The following NDRG4 variants were observed in gnomAD, a reference collection of about 807,000 sequenced individuals.
NDRG4 encodes the protein NDRG family member 4, also known as protein NDRG4.
Under a neutral mutation model 55.8 loss-of-function variants are expected in NDRG4, and 38 were observed. That is an observed-to-expected ratio of 0.68 (90% CI 0.53 to 0.89). The LOEUF (loss-of-function observed/expected upper bound fraction) is 0.89. Among genes scored for constraint, NDRG4 ranks in the 40% least tolerant of loss-of-function variants. NDRG4 has a pLI of 0.00. For missense variants in NDRG4, 455 were observed against 468.6 expected (o/e 0.97, Z 0.27); for synonymous variants, 190 against 182.7 (o/e 1.04, Z -0.32).
At chr16:58,504,483 C>T (rs983417111) in intron 4 of NDRG4, 62 bp downstream of exon 4, 1 of 1,611,602 alleles carries the variant, frequency 6.2e-7, no homozygotes, top group Non-Finnish European at 8.5e-7. Flanking sequence ...TGCAGAGCCA[C>T]CTGGCTCCAG....
upstream of NDRG4, among the ~76,000 whole-genome samples, chr16:58,495,881 C>G (rs1352966030): frequency 1.3e-5 from 2 of 152,134 alleles, no homozygotes; most frequent in Non-Finnish European, 2.9e-5. Context: ...GGCTAGGGTT[C>G]CGGCAGTGGG....
chr16:58,474,806 G>A (rs961384096), intron 1 of NDRG4, among the ~76,000 whole-genome samples: 5 of 152,228 alleles, frequency 3.3e-5, no homozygotes, highest in Non-Finnish European at 5.9e-5. Flanking sequence ...CATGTACTGA[G>A]AATGGGGAAG....
At chr16:58,481,395 C>T (rs992861159) in intron 1 of NDRG4, among the ~76,000 whole-genome samples, 4 of 152,110 alleles carry the variant, frequency 2.6e-5, no homozygotes, top group Non-Finnish European at 5.9e-5. Context: ...GGGTCTTTAG[C>T]CAGGAGTGCC....
In NDRG4 at chr16:58,464,674, C is replaced by A; in HGVS notation, c.-24+877C>A. On this transcript the variant is annotated intron_variant, in intron 1 of 15. Coordinates refer to the NDRG4 transcript ENST00000258187. The surrounding 1 kb of genome is among the most constrained non-coding windows in gnomAD (Gnocchi z 4.8). ...GTGGCGAGTCCCTGGCGCTGGCGTC[C>A]GGGCTGCGGGAGCACCGGTCAGGGG... 9.2e-7 allele frequency: 1 copy of A among 1,081,284 alleles called. No homozygotes were observed. The highest frequency in any genetic ancestry group is 1.2e-6 in the Non-Finnish European group (1 of 838,144). The allele number at this position is 1,081,284 out of a possible 1,614,324, so 67.0% of individuals were successfully genotyped here.
At chr16:58,493,462 T>C (rs1485659088) in intron 2 of NDRG4, among the ~76,000 whole-genome samples, 1 of 152,116 alleles carries the variant, frequency 6.6e-6, no homozygotes, top group Non-Finnish European at 1.5e-5. Flanking sequence ...AGAGACACGG[T>C]TTTGACACGT....
At chr16:58,498,904 A>G (rs1042857524), upstream of NDRG4, among the ~76,000 whole-genome samples, 5 of 151,962 alleles carry the variant, frequency 3.3e-5, no homozygotes, top group Non-Finnish European at 7.4e-5. Context: ...AAGTCAGTCA[A>G]CCTCTCTGAG....
chr16:58,464,174 T>C lies in NDRG4; in HGVS notation c.-24+377T>C, dbSNP rs555788512. On this transcript the variant is annotated intron_variant, in intron 1 of 15. Coordinates refer to the NDRG4 transcript ENST00000258187. This position sits in a 1 kb window ranked among gnomAD's most constrained non-coding sequence, Gnocchi z 4.8. ...CGCGCCCTTCCTCCGCCTCCTGGAG[T>C]TCACCGGGACCAGGTGGCGGCGGGT... The C allele has an allele frequency of 2.7e-6, 1 of 373,326 alleles. No individual in the cohort carries two copies. The highest frequency in any genetic ancestry group is 1.4e-4 in the South Asian group (1 of 7,202). The allele number at this position is 373,326 out of a possible 1,614,324, so 23.1% of individuals were successfully genotyped here.
chr16:58,501,294 C>A, intron 1 of NDRG4: 1 of 390,180 alleles, frequency 2.6e-6, no homozygotes, highest in African/African-American at 2.1e-5. Flanking sequence ...GCACCAACTC[C>A]CACACCGGCG....
intron 1 of NDRG4, chr16:58,465,111 G>A: frequency 7.8e-7 from 1 of 1,286,608 alleles, no homozygotes; most frequent in Non-Finnish European, 1.0e-6. Context: ...GATTCGAGGA[G>A]TGACTTCTGT....
chr16:58,507,896 G>A (rs745476182), intron 9 of NDRG4, 32 bp downstream of exon 9: 1 of 1,613,996 alleles, frequency 6.2e-7, no homozygotes, highest in Non-Finnish European at 8.5e-7. Context: ...GGCCTGCCCT[G>A]GCCTTTGCCC....
Position 58,506,434 on chromosome 16 carries a change from C to A in NDRG4, c.420C>A (p.Asp140Glu), listed in dbSNP as rs2038024218. Reference protein sequence around the residue: ...LVEGLVLVNIDPNGKGWIDWA... With the variant: ...LVEGLVLVNIEPNGKGWIDWA... ...AGGGGCTGGTGCTGGTGAACATCGA[C>A]CCCAATGGCAAAGGCTGGATAGACT... The change falls in exon 6 of 15, where the codon GAC (aspartate) becomes GAA (glutamate). Residue 140 changes from aspartate to glutamate, a missense_variant. By Grantham distance (45) the Asp-to-Glu change is conservative. Transcript: ENST00000570248. 16 of 1,613,628 alleles carry A rather than the reference C, an allele frequency of 9.9e-6. No individual in the cohort carries two copies. Among genetic ancestry groups the A allele is most frequent in the Non-Finnish European group, 1.4e-5 (16 of 1,179,898 alleles).
chr16:58,512,439 A>G lies in NDRG4; in HGVS notation c.*863A>G. ...CCCGCAGGTGGCCAGAGGCAGGGGT[A>G]GCTGAGTTCCTGGAGACCCCTTTTT... On this transcript the variant is annotated 3_prime_UTR_variant, in exon 15 of 15. Transcript: ENST00000570248. 3.9e-6 allele frequency: 1 copy of G among 255,126 alleles called. No individual in the cohort carries two copies. The highest frequency in any genetic ancestry group is 7.8e-6 in the Non-Finnish European group (1 of 128,828). 15.8% of individuals were successfully genotyped at this position (255,126 alleles called of 1,614,324 possible).
chr16:58,478,824 G>A (rs1312256732), intron 1 of NDRG4, among the ~76,000 whole-genome samples: 1 of 148,264 alleles, frequency 6.7e-6, no homozygotes, highest in Non-Finnish European at 1.5e-5. Flanking sequence ...AAAAATTAGT[G>A]TCACTTGTAA....
chr16:58,480,718 GAACAAGATCAGGTCGCTGTCCTC>G, intron 1 of NDRG4, among the ~76,000 whole-genome samples: 1 of 152,318 alleles, frequency 6.6e-6, no homozygotes, highest in Non-Finnish European at 1.5e-5. Flanking sequence ...TTGGACAAAT[GAACAAGATCAGGTCGCTGTCCTC>G]TGGGAGATGA....
At chr16:58,487,595 CGG>C (rs2035247978) in intron 1 of NDRG4, among the ~76,000 whole-genome samples, 1 of 152,196 alleles carries the variant, frequency 6.6e-6, no homozygotes, top group South Asian at 2.1e-4. Flanking sequence ...GTCTTGCAGA[CGG>C]AGGCCTGGGG....
At chr16:58,502,682 A>T (rs1720316221) in intron 1 of NDRG4, among the ~76,000 whole-genome samples, 1 of 152,224 alleles carries the variant, frequency 6.6e-6, no homozygotes, top group South Asian at 2.1e-4. Flanking sequence ...TCTCTTGGGT[A>T]ACATGCAGGA....
downstream of NDRG4, among the ~76,000 whole-genome samples, chr16:58,515,054 C>A (rs1463368324): frequency 1.2e-4 from 19 of 152,196 alleles, no homozygotes. Flanking sequence ...CCCTCTAGGC[C>A]ACGCCACTCT....
At chr16:58,475,177 G>T (rs778362890) in intron 1 of NDRG4, among the ~76,000 whole-genome samples, 5 of 152,200 alleles carry the variant, frequency 3.3e-5, no homozygotes, top group Non-Finnish European at 7.3e-5. Context: ...TGGGAAATTT[G>T]CCAGCTTGGG....
intron 1 of NDRG4, chr16:58,502,195 G>C: frequency 5.7e-6 from 2 of 351,148 alleles, no homozygotes; most frequent in South Asian, 2.1e-5. Context: ...CTATGGCTTG[G>C]GCCTATGTGG....
Sources: allele counts gnomAD v4.1 joint callset (sites outside exome capture counted in the v4.1 genomes callset), GRCh38; gene constraint gnomAD v4.1.1; non-coding constraint Gnocchi (gnomAD v3.1); transcripts MANE v1.5; gene names NCBI Gene and HGNC (gene_info 2026-07-23, HGNC 2026-07-21).